NTPCR: variants seen among roughly 807,000 people sequenced by gnomAD.
The protein encoded by NTPCR is cancer-related nucleoside-triphosphatase.
A neutral mutation model predicts 19.5 loss-of-function variants in NTPCR; 15 were observed. That is an observed-to-expected ratio of 0.77 (90% CI 0.51 to 1.18). The LOEUF (loss-of-function observed/expected upper bound fraction) is 1.18. Among genes scored for constraint, NTPCR ranks in the 50% most tolerant of loss-of-function variants. The pLI, the probability that NTPCR is intolerant of heterozygous loss-of-function variation, is 0.00. For missense variants in NTPCR, 206 were observed against 240.4 expected (o/e 0.86, Z 0.95); for synonymous variants, 90 against 95.8 (o/e 0.94, Z 0.36).
chr1:232,963,366 A>T (rs1016789435), intron 3 of NTPCR: 1 of 152,190 alleles, frequency 6.6e-6, no homozygotes, highest in Non-Finnish European at 1.5e-5. Context: ...GATTCTGTGG[A>T]TTTAGATGCT....
chr1:232,976,229 CAG>C (rs1669119067), intron 4 of NTPCR: 3 of 1,296,104 alleles, frequency 2.3e-6, no homozygotes, highest in Non-Finnish European at 3.0e-6. Context: ...ATGATCAAAT[CAG>C]GGTAATTTCC....
rs552703380 is a variant in NTPCR, at chr1:232,956,518, A to C, written c.294+75A>C. 99 of 1,050,278 alleles carry C rather than the reference A, an allele frequency of 9.4e-5. 4 individuals carry two copies. In the South Asian group the frequency reaches 1.2e-3, roughly 13 times the overall value. 65.1% of individuals were successfully genotyped at this position (1,050,278 alleles called of 1,614,324 possible). ...TGGGAATTGCTAGCCATGGAAACAGAATGCCTTTTGCTCTTAAAGGCCCCA... is the reference window on the plus strand; with the variant it reads ...TGGGAATTGCTAGCCATGGAAACAGCATGCCTTTTGCTCTTAAAGGCCCCA... On this transcript the variant is annotated intron_variant, in intron 3 of 4. Transcript: ENST00000366628.
chr1:232,950,817 C>T (rs1668343607), intron 1 of NTPCR, 73 bp downstream of exon 1: 9 of 1,062,976 alleles, frequency 8.5e-6, no homozygotes, highest in Non-Finnish European at 1.2e-5. Context: ...CGACCTTGTG[C>T]TGTCGGGGAG....
intron 3 of NTPCR, among the ~76,000 whole-genome samples, chr1:232,958,557 G>A (rs1408691566): frequency 2.6e-5 from 4 of 152,172 alleles, no homozygotes; most frequent in Admixed American, 2.6e-4. Flanking sequence ...TCAGCAGGGG[G>A]TTGTGCTTCT....
At chr1:232,951,409 G>A (rs1668362748) in intron 1 of NTPCR, among the ~76,000 whole-genome samples, 1 of 152,148 alleles carries the variant, frequency 6.6e-6, no homozygotes, top group African/African-American at 2.4e-5. Flanking sequence ...CCTGTGGCCT[G>A]TGGAGTTCTC....
chr1:232,960,754 A>G (rs1668650014), intron 3 of NTPCR, among the ~76,000 whole-genome samples: 1 of 152,166 alleles, frequency 6.6e-6, no homozygotes. Flanking sequence ...GGTTTTTGGA[A>G]AGCCTCTAGT....
At position 232,956,334 on chromosome 1, in the gene NTPCR, T is replaced by G; in HGVS notation, c.198-13T>G. The G allele has an allele frequency of 6.3e-7, 1 of 1,599,538 alleles. No individual in the cohort carries two copies. The highest frequency in any genetic ancestry group is 8.6e-7 in the Non-Finnish European group (1 of 1,166,872). ...GAGTTTTTCAACAAAGAACATAATG[T>G]CTTTTCCTTCAGGTTAGAGCCTCCA... is the stretch of plus-strand genomic sequence containing the variant. On this transcript the variant is annotated splice_polypyrimidine_tract_variant and intron_variant, in intron 2 of 4. Coordinates refer to ENST00000366628, the MANE Select transcript of NTPCR (RefSeq NM_032324.3).
intron 1 of NTPCR, among the ~76,000 whole-genome samples, chr1:232,951,713 G>A (rs1229731075): frequency 6.6e-6 from 1 of 152,084 alleles, no homozygotes; most frequent in Non-Finnish European, 1.5e-5. Context: ...AGTAGCAAAG[G>A]CTACAGCTAA....
intron 4 of NTPCR, among the ~76,000 whole-genome samples, chr1:232,974,672 G>A (rs752623814): frequency 6.6e-6 from 1 of 152,180 alleles, no homozygotes; most frequent in Non-Finnish European, 1.5e-5. Context: ...CATCTATTTG[G>A]TAAATATTGA....
intron 4 of NTPCR, among the ~76,000 whole-genome samples, chr1:232,974,155 A>G (rs1211046657): frequency 6.6e-6 from 1 of 152,252 alleles, no homozygotes; most frequent in Non-Finnish European, 1.5e-5. Context: ...AAAGGAAAGC[A>G]GCACCTTACC....
chr1:232,955,747 C>G (rs1451803843), intron 2 of NTPCR, 28 bp downstream of exon 2: 1 of 1,606,364 alleles, frequency 6.2e-7, no homozygotes, highest in African/African-American at 1.3e-5. Context: ...CTGTGGTGTT[C>G]TATTATCTAA....
chr1:232,973,442 C>A (rs1165373272), intron 4 of NTPCR, among the ~76,000 whole-genome samples: 1 of 152,010 alleles, frequency 6.6e-6, no homozygotes, highest in East Asian at 1.9e-4. Flanking sequence ...CATAAGAAGA[C>A]CTGAAAAGTG....
At chr1:232,975,534 A>T (rs1413411615) in intron 4 of NTPCR, among the ~76,000 whole-genome samples, 2 of 152,156 alleles carry the variant, frequency 1.3e-5, no homozygotes, top group Non-Finnish European at 1.5e-5. Flanking sequence ...ACAAAACCAC[A>T]TGCATTTCCT....
intron 2 of NTPCR, among the ~76,000 whole-genome samples, chr1:232,956,091 A>G (rs1668504211): frequency 6.6e-6 from 1 of 152,222 alleles, no homozygotes; most frequent in Non-Finnish European, 1.5e-5. Flanking sequence ...CTGTTGATGC[A>G]GTAGCTGCTT....
At chr1:232,956,558 A>G (rs1407901280) in intron 3 of NTPCR, 115 bp downstream of exon 3, 1 of 690,660 alleles carries the variant, frequency 1.4e-6, no homozygotes, top group Non-Finnish European at 2.6e-6. Context: ...TGCATTTTAC[A>G]ATTGAAAAGA....
At chr1:232,972,933 G>T (rs1319741120) in intron 4 of NTPCR, among the ~76,000 whole-genome samples, 1 of 152,188 alleles carries the variant, frequency 6.6e-6, no homozygotes, top group Non-Finnish European at 1.5e-5. Context: ...AAATCTAGGG[G>T]CAGGGAAGGG....
At chr1:232,964,290 A>G (rs929521218) in intron 3 of NTPCR, 1 of 152,232 alleles carries the variant, frequency 6.6e-6, no homozygotes, top group Non-Finnish European at 1.5e-5. Flanking sequence ...GGAATACTCC[A>G]TAAGTCATAA....
chr1:232,959,139 C>T (rs1668598097), intron 3 of NTPCR, among the ~76,000 whole-genome samples: 1 of 151,946 alleles, frequency 6.6e-6, no homozygotes, highest in Non-Finnish European at 1.5e-5. Flanking sequence ...AATTGTAATC[C>T]CCATGTGTGG....
At chr1:232,963,475 G>A (rs1201494398) in intron 3 of NTPCR, 7 of 152,128 alleles carry the variant, frequency 4.6e-5, no homozygotes, top group Admixed American at 6.6e-5. Flanking sequence ...TAAGTCACAC[G>A]TCCCTTAAGC....
Sources: gnomAD v4.1 joint callset for allele counts (sites outside exome capture counted in the v4.1 genomes callset) on GRCh38, gnomAD v4.1.1 for gene constraint, MANE v1.5 for transcripts, NCBI Gene and HGNC (gene_info 2026-07-23, HGNC 2026-07-21) for gene names.